FHIT: variants seen among roughly 807,000 people sequenced by gnomAD.
FHIT encodes the protein bis(5'-adenosyl)-triphosphatase.
Under a neutral mutation model 17.9 loss-of-function variants are expected in FHIT, and 19 were observed. The observed-to-expected ratio is 1.06, with a 90% CI of 0.74 to 1.56. The LOEUF (loss-of-function observed/expected upper bound fraction) is 1.56. FHIT is among the 40% of genes most tolerant of loss of function. The probability of loss-of-function intolerance (pLI) is 0.00; values close to 1 mark genes in which losing one functional copy is unlikely to be tolerated. For missense variants in FHIT, 248 were observed against 189.2 expected, an observed-to-expected ratio of 1.31 and a Z score of -1.82; for synonymous variants, 81 against 69.7, an observed-to-expected ratio of 1.16 and a Z score of -0.81.
At position 60,097,480 on chromosome 3, in the gene FHIT, T is replaced by C. The variant is rs141106269; in HGVS notation, c.104-83328A>G. Among the ~76,000 whole-genome samples, 596 of 152,218 alleles carry C rather than the reference T, an allele frequency of 3.9e-3. 2 individuals are homozygous for C. Among genetic ancestry groups the C allele is most frequent in the African/African-American group, 0.013 (555 of 41,536 alleles). On this transcript the variant is annotated intron_variant, in intron 5 of 9. Coordinates refer to ENST00000492590, the MANE Select transcript of FHIT (RefSeq NM_002012.4). ...AGGTCTACCTTGAACAACATGAGTT[T>C]GAACTGTGTGAGCCCACTTACACAT... is the stretch of plus-strand genomic sequence containing the variant.
At chr3:60,054,537 T>C (rs1329145628) in intron 5 of FHIT, among the ~76,000 whole-genome samples, 1 of 152,190 alleles carries the variant, frequency 6.6e-6, no homozygotes. Flanking sequence ...TATCCAGAAC[T>C]CTATCATAAT....
At chr3:60,206,397 ATGAGAGTTTC>A (rs1703192540) in intron 5 of FHIT, among the ~76,000 whole-genome samples, 1 of 152,180 alleles carries the variant, frequency 6.6e-6, no homozygotes, top group Non-Finnish European at 1.5e-5. Flanking sequence ...CTTCAGGGTT[ATGAGAGTTTC>A]TGAATAGCCA....
At position 60,173,915 on chromosome 3, in the gene FHIT, A is replaced by ATATATATATATATATATATATTTTTTTT; in HGVS notation, c.104-159764_104-159763insAAAAAAAATATATATATATATATATATA. 8.1e-4 allele frequency among the ~76,000 whole-genome samples: 54 copies of ATATATATATATATATATATATTTTTTTT among 66,410 alleles called. 1 individual carries two copies. Among genetic ancestry groups the ATATATATATATATATATATATTTTTTTT allele is most frequent in the Middle Eastern group, 8.3e-3 (1 of 120 alleles). 43.6% of individuals were successfully genotyped at this position (66,410 alleles called of 152,430 possible). ...TATATATATATATATATATATATAT[A>ATATATATATATATATATATATTTTTTTT]TGTTTTTTTTTTTTTTTGAGATCGA... On this transcript the variant is annotated intron_variant, in intron 5 of 9. Coordinates refer to ENST00000492590, the MANE Select transcript of FHIT (RefSeq NM_002012.4).
chr3:60,808,077 C>T (rs1701458728), intron 4 of FHIT, among the ~76,000 whole-genome samples: 1 of 152,136 alleles, frequency 6.6e-6, no homozygotes, highest in Non-Finnish European at 1.5e-5. Context: ...CACTAGATTT[C>T]CAGTGGCATC....
chr3:60,065,056 A>G (rs1032580845), intron 5 of FHIT, among the ~76,000 whole-genome samples: 14 of 152,196 alleles, frequency 9.2e-5, no homozygotes, highest in Non-Finnish European at 1.5e-5. Flanking sequence ...TTCAAGTCTC[A>G]TGCCTTGCCC....
intron 2 of FHIT, among the ~76,000 whole-genome samples, chr3:61,146,587 G>C (rs2037232963): frequency 6.6e-6 from 1 of 152,034 alleles, no homozygotes; most frequent in East Asian, 1.9e-4. Flanking sequence ...TTAAACTACA[G>C]AATCTGCTTG....
Position 60,356,753 on chromosome 3 carries a change from CAAAAAAAAAAAAAAA to C in FHIT, c.103+180092_103+180106del, listed in dbSNP as rs57588436. 1.7e-4 allele frequency among the ~76,000 whole-genome samples: 10 copies of C among 58,680 alleles called. 1 individual carries two copies. The highest frequency in any genetic ancestry group is 6.0e-4 in the Admixed American group (3 of 5,006). The allele number at this position is 58,680 out of a possible 152,430, so 38.5% of individuals were successfully genotyped here. Reference sequence around the variant, plus strand: ...CTATTATATAGCAGGAAGACAGAGACAAAAAAAAAAAAAAAAAAAAAAAAAAACGGAAGAAAGAGT... The same window carrying C: ...CTATTATATAGCAGGAAGACAGAGACAAAAAAAAAAAACGGAAGAAAGAGT... On this transcript the variant is annotated intron_variant, in intron 5 of 9. Coordinates refer to ENST00000492590, the MANE Select transcript of FHIT (RefSeq NM_002012.4).
At chr3:60,023,123 G>A (rs1286300930) in intron 5 of FHIT, among the ~76,000 whole-genome samples, 3 of 152,128 alleles carry the variant, frequency 2.0e-5, no homozygotes, top group East Asian at 1.9e-4. Flanking sequence ...GGCAATAGAA[G>A]AAATAAATTG....
At chr3:59,915,207 G>A (rs910105481) in intron 8 of FHIT, among the ~76,000 whole-genome samples, 1 of 152,166 alleles carries the variant, frequency 6.6e-6, no homozygotes, top group African/African-American at 2.4e-5. Context: ...TATCTGGTTG[G>A]AGCGAGAATT....
At chr3:60,389,130 G>A (rs929082210) in intron 5 of FHIT, among the ~76,000 whole-genome samples, 1 of 152,148 alleles carries the variant, frequency 6.6e-6, no homozygotes, top group African/African-American at 2.4e-5. Context: ...TTCCATATAA[G>A]TGGTTCACAA....
chr3:60,849,052 T>TATC (rs1259286331), intron 3 of FHIT, among the ~76,000 whole-genome samples: 4 of 152,164 alleles, frequency 2.6e-5, no homozygotes, highest in African/African-American at 9.7e-5. Context: ...TTACTATAGT[T>TATC]ATCCATGCAG....
At chr3:60,442,112 A>C (rs2030936559) in intron 5 of FHIT, among the ~76,000 whole-genome samples, 1 of 151,750 alleles carries the variant, frequency 6.6e-6, no homozygotes, top group Admixed American at 6.6e-5. Context: ...CTCCTGCCTC[A>C]GCCTCCCAAA....
At chr3:60,169,272 A>G (rs1246594022) in intron 5 of FHIT, among the ~76,000 whole-genome samples, 2 of 152,166 alleles carry the variant, frequency 1.3e-5, no homozygotes, top group African/African-American at 4.8e-5. Context: ...GGAATATCTG[A>G]AGGATCTCAC....
At chr3:60,987,331 G>T (rs1280764941) in intron 3 of FHIT, among the ~76,000 whole-genome samples, 1 of 152,168 alleles carries the variant, frequency 6.6e-6, no homozygotes, top group Non-Finnish European at 1.5e-5. Flanking sequence ...GAAGGTTGTG[G>T]GTTTAGGGAA....
intron 4 of FHIT, among the ~76,000 whole-genome samples, chr3:60,791,731 C>G (rs566016132): frequency 1.3e-5 from 2 of 152,298 alleles, no homozygotes; most frequent in African/African-American, 4.8e-5. Context: ...CAGGTGTTAA[C>G]AAATTGTCAA....
At chr3:60,286,396 G>C (rs1387253235) in intron 5 of FHIT, among the ~76,000 whole-genome samples, 1 of 151,980 alleles carries the variant, frequency 6.6e-6, no homozygotes, top group Non-Finnish European at 1.5e-5. Flanking sequence ...TTATTCTTAC[G>C]TATCTTTTAT....
At chr3:60,732,493 A>T in intron 4 of FHIT, 1 of 688,686 alleles carries the variant, frequency 1.5e-6, no homozygotes, top group Non-Finnish European at 2.8e-6. Context: ...AGGAACCCTC[A>T]CACCCAAATC....
intron 5 of FHIT, among the ~76,000 whole-genome samples, chr3:60,061,507 T>C (rs537928849): frequency 1.3e-5 from 2 of 152,336 alleles, no homozygotes; most frequent in Admixed American, 6.5e-5. Context: ...AAATGCAAAC[T>C]GAGAGCATTT....
At chr3:60,209,081 T>A (rs1453288596) in intron 5 of FHIT, among the ~76,000 whole-genome samples, 1 of 152,118 alleles carries the variant, frequency 6.6e-6, no homozygotes, top group African/African-American at 2.4e-5. Flanking sequence ...TCTAAATACA[T>A]CATTCAAATT....
Sources: allele counts gnomAD v4.1 joint callset (sites outside exome capture counted in the v4.1 genomes callset), GRCh38; gene constraint gnomAD v4.1.1; transcripts MANE v1.5; gene names NCBI Gene and HGNC (gene_info 2026-07-23, HGNC 2026-07-21).